TMEM9: variants seen among roughly 807,000 people sequenced by gnomAD.
TMEM9 encodes the protein transmembrane protein 9.
A neutral mutation model predicts 22.8 loss-of-function variants in TMEM9; 13 were observed. The observed-to-expected ratio is 0.57, with a 90% CI of 0.37 to 0.91. TMEM9 has a LOEUF of 0.91. Among genes scored for constraint, TMEM9 ranks in the 40% least tolerant of loss-of-function variants. TMEM9 has a pLI of 0.01. For synonymous variants in TMEM9, 88 were observed against 93.0 expected, an observed-to-expected ratio of 0.95 and a Z score of 0.31; for missense variants, 182 against 238.1, an observed-to-expected ratio of 0.76 and a Z score of 1.55.
At chr1:201,146,529 TG>T (rs1419307899) in intron 3 of TMEM9, 3 of 658,882 alleles carry the variant, frequency 4.6e-6, no homozygotes, top group Non-Finnish European at 8.3e-6. Context: ...CTCACTGTAA[TG>T]GTAACTACTG....
At chr1:201,156,512 C>T (rs1665801131), upstream of TMEM9, among the ~76,000 whole-genome samples, 1 of 152,178 alleles carries the variant, frequency 6.6e-6, no homozygotes, top group Non-Finnish European at 1.5e-5. Flanking sequence ...CACTTCCCCA[C>T]CCCATCTCAT....
In TMEM9 at chr1:201,135,376, C is replaced by T; in HGVS notation, c.*287G>A. The T allele has an allele frequency of 3.6e-6, 1 of 277,432 alleles. No homozygotes were observed. Among genetic ancestry groups the T allele is most frequent in the Non-Finnish European group, 6.7e-6 (1 of 148,668 alleles). The allele number at this position is 277,432 out of a possible 1,614,324, so 17.2% of individuals were successfully genotyped here. On this transcript the variant is annotated 3_prime_UTR_variant, in exon 5 of 5. Transcript: ENST00000367330. ...GGAGCCAGGAGAGACAGATCGCATC[C>T]ACTCCTGAGGCCGCCTCGAATGTCT...
chr1:201,158,119 A>G (rs1026977631), upstream of TMEM9, among the ~76,000 whole-genome samples: 1 of 152,168 alleles, frequency 6.6e-6, no homozygotes, highest in African/African-American at 2.4e-5. Flanking sequence ...TGCTGGCTTC[A>G]AAGATGCAGG....
chr1:201,140,970 C>T (rs1192990718), intron 4 of TMEM9, among the ~76,000 whole-genome samples: 1 of 152,150 alleles, frequency 6.6e-6, no homozygotes, highest in Non-Finnish European at 1.5e-5. Context: ...GGACTAGGGC[C>T]CCCAGTCTCT....
chr1:201,167,363 C>T (rs985962248), intron 1 of TMEM9, among the ~76,000 whole-genome samples: 10 of 152,066 alleles, frequency 6.6e-5, no homozygotes, highest in African/African-American at 2.2e-4. Flanking sequence ...TTGGTTGGGT[C>T]GGAGATAAAA....
chr1:201,145,654 A>T (rs1403472461), intron 3 of TMEM9: 1 of 152,216 alleles, frequency 6.6e-6, no homozygotes, highest in Non-Finnish European at 1.5e-5. Context: ...AAAATGCTAC[A>T]AACTGGAACA....
At chr1:201,144,233 C>T (rs948305996) in intron 3 of TMEM9, 3 of 319,918 alleles carry the variant, frequency 9.4e-6, no homozygotes, top group Non-Finnish European at 1.8e-5. Flanking sequence ...AGCCTGATGC[C>T]GAGAGGCTCC....
At chr1:201,165,599 G>A (rs1052029999) in intron 1 of TMEM9, among the ~76,000 whole-genome samples, 4 of 152,146 alleles carry the variant, frequency 2.6e-5, no homozygotes, top group African/African-American at 7.2e-5. Context: ...ACCACGCCCA[G>A]CTAATTTTTG....
At chr1:201,142,256 C>G (rs992171121) in intron 4 of TMEM9, among the ~76,000 whole-genome samples, 3 of 152,200 alleles carry the variant, frequency 2.0e-5, no homozygotes, top group African/African-American at 7.2e-5. Context: ...ACACAGCCCT[C>G]GAGAGCAGCC....
intron 4 of TMEM9, among the ~76,000 whole-genome samples, chr1:201,137,672 T>C (rs527765010): frequency 5.3e-5 from 8 of 152,332 alleles, no homozygotes; most frequent in Non-Finnish European, 1.2e-4. Flanking sequence ...TTAAGATTAG[T>C]AGATGGGTAT....
rs1663864358 is a variant in TMEM9 at position 201,135,166 on chromosome 1, G to C, written c.*497C>G. On this transcript the variant is annotated 3_prime_UTR_variant, in exon 5 of 5. Coordinates refer to ENST00000367330, the MANE Select transcript of TMEM9 (RefSeq NM_001288565.2). ...CCCATCAGAGCTGTCCTCAGGGCTG[G>C]AGCTGGGGCTGGGGCTGAGGCGCTG... The C allele has an allele frequency of 6.5e-6, 1 of 153,662 alleles. No individual in the cohort carries two copies. The highest frequency in any genetic ancestry group is 1.9e-4 in the South Asian group (1 of 5,178). 9.5% of individuals were successfully genotyped at this position (153,662 alleles called of 1,614,324 possible). A position where few individuals can be genotyped will look rare whatever the true frequency, so the allele number is the denominator to read the frequency against.
chr1:201,147,713 G>A (rs1041697138), intron 2 of TMEM9, among the ~76,000 whole-genome samples: 9 of 152,160 alleles, frequency 5.9e-5, no homozygotes, highest in African/African-American at 1.2e-4. Context: ...AGAGCCCCTA[G>A]GGCCAATGCT....
intron 2 of TMEM9, among the ~76,000 whole-genome samples, chr1:201,149,525 C>A (rs1318004495): frequency 1.3e-5 from 2 of 152,202 alleles, no homozygotes; most frequent in African/African-American, 4.8e-5. Context: ...GCCGGACCCA[C>A]CAATGGGGCA....
upstream of TMEM9, among the ~76,000 whole-genome samples, chr1:201,155,090 A>G (rs1665743009): frequency 6.6e-6 from 1 of 152,270 alleles, no homozygotes; most frequent in East Asian, 1.9e-4. Context: ...CCTGGCTGCT[A>G]TGTGGCAGAT....
chr1:201,146,180 C>T (rs1033393147), intron 3 of TMEM9, among the ~76,000 whole-genome samples: 1 of 152,154 alleles, frequency 6.6e-6, no homozygotes, highest in African/African-American at 2.4e-5. Flanking sequence ...ATGGTGGTGA[C>T]TGTGTCTATC....
At chr1:201,148,818 T>C (rs3820425) in intron 2 of TMEM9, among the ~76,000 whole-genome samples, 111,565 of 152,224 alleles carry the variant, frequency 0.73, 41,050 homozygotes, top group Non-Finnish European at 0.77. Flanking sequence ...CAACATGTTA[T>C]TCCCTGCTCT....
At chr1:201,147,233 G>T (rs983154266) in intron 2 of TMEM9, among the ~76,000 whole-genome samples, 2 of 152,088 alleles carry the variant, frequency 1.3e-5, no homozygotes, top group African/African-American at 4.8e-5. Context: ...AGCCAGGGCC[G>T]CTCTCCTCTA....
At chr1:201,143,731 G>A (rs1664726327) in intron 4 of TMEM9, 89 bp downstream of exon 4, 1 of 1,379,596 alleles carries the variant, frequency 7.2e-7, no homozygotes, top group Non-Finnish European at 1.0e-6. Flanking sequence ...TGGGGAGGTG[G>A]GACCTGGACC....
upstream of TMEM9, among the ~76,000 whole-genome samples, chr1:201,155,521 A>G (rs1200265072): frequency 6.6e-6 from 1 of 152,134 alleles, no homozygotes; most frequent in Admixed American, 6.5e-5. Context: ...TATCCTTGCC[A>G]CCTGGCAGAG....
Sources: allele counts gnomAD v4.1 joint callset (sites outside exome capture counted in the v4.1 genomes callset), GRCh38; gene constraint gnomAD v4.1.1; transcripts MANE v1.5; gene names NCBI Gene and HGNC (gene_info 2026-07-23, HGNC 2026-07-21).